The following TNFRSF1B variants were observed in gnomAD, a reference collection of about 807,000 sequenced individuals.
The protein encoded by TNFRSF1B is tumor necrosis factor receptor superfamily member 1B.
A neutral mutation model predicts 44.6 loss-of-function variants in TNFRSF1B; 19 were observed. The ratio of observed to expected loss-of-function variants is 0.43; its 90% CI spans 0.30 to 0.62. The LOEUF is 0.62. Ranked by LOEUF, TNFRSF1B falls within the 20% of genes least tolerant of loss-of-function variation. The pLI, the probability that TNFRSF1B is intolerant of heterozygous loss-of-function variation, is 0.16. For missense variants in TNFRSF1B, 541 were observed against 619.9 expected (o/e 0.87, Z 1.35); for synonymous variants, 252 against 261.1 (o/e 0.97, Z 0.34).
At chr1:12,202,911 G>A (rs1557640856) in intron 9 of TNFRSF1B, among the ~76,000 whole-genome samples, 1 of 152,240 alleles carries the variant, frequency 6.6e-6, no homozygotes, top group South Asian at 2.1e-4. Flanking sequence ...TGGCTCCAGG[G>A]CTCCACTCAC....
At position 12,174,490 on chromosome 1, in the gene TNFRSF1B, T is replaced by C. The variant is rs552287672; in HGVS notation, c.78+7321T>C. ...CTCGAACTCCTGACCTCAAGTGATC[T>C]GCCCGCCTTGGCCTCCCAAAGTGCT... On this transcript the variant is annotated intron_variant, in intron 1 of 9. Transcript: ENST00000376259. Among the ~76,000 whole-genome samples the C allele has an allele frequency of 2.0e-5, 3 of 152,244 alleles. No homozygotes were observed. The East Asian group carries it at 5.8e-4, about 29-fold the overall frequency.
At chr1:12,173,906 A>C (rs1638574909) in intron 1 of TNFRSF1B, among the ~76,000 whole-genome samples, 1 of 152,188 alleles carries the variant, frequency 6.6e-6, no homozygotes, top group Admixed American at 6.5e-5. Context: ...GGTTTGAGGT[A>C]CTTGGCTGTG....
chr1:12,178,846 C>T lies in TNFRSF1B; in HGVS notation c.79-9950C>T, dbSNP rs967870867. ...AGGAGGTTGCGCAGGTGGTGGCAGC[C>T]GCTGGAAGCTTTTAAGGAGAGTCAG... is the stretch of plus-strand genomic sequence containing the variant. On this transcript the variant is annotated intron_variant, in intron 1 of 9. Coordinates refer to ENST00000376259, the MANE Select transcript of TNFRSF1B (RefSeq NM_001066.3). This position sits in a 1 kb window ranked among gnomAD's most constrained non-coding sequence, Gnocchi z 4.3. Among the ~76,000 whole-genome samples, 2 of 151,984 alleles carry T rather than the reference C, an allele frequency of 1.3e-5. No homozygotes were observed. The highest frequency in any genetic ancestry group is 6.6e-5 in the Admixed American group (1 of 15,262).
chr1:12,167,056 G>T lies in TNFRSF1B; in HGVS notation c.-36G>T. On this transcript the variant is annotated 5_prime_UTR_variant, in exon 1 of 10. Coordinates refer to ENST00000376259, the MANE Select transcript of TNFRSF1B (RefSeq NM_001066.3). ...CGCTGGGCTGCGAGGGCGCGAGGGC[G>T]CGAGGGCAGGGGGCAACCGGACCCC... 7.9e-7 allele frequency: 1 copy of T among 1,265,342 alleles called. No individual in the cohort carries two copies. Among genetic ancestry groups the T allele is most frequent in the South Asian group, 2.5e-5 (1 of 40,162 alleles). 78.4% of individuals were successfully genotyped at this position (1,265,342 alleles called of 1,614,324 possible).
At position 12,177,813 on chromosome 1, in the gene TNFRSF1B, A is replaced by G. The variant is rs910646264; in HGVS notation, c.78+10644A>G. On this transcript the variant is annotated intron_variant, in intron 1 of 9. Transcript: ENST00000376259. This position sits in a 1 kb window ranked among gnomAD's most constrained non-coding sequence, Gnocchi z 4.3. The stretch of plus-strand genomic sequence containing the variant: ...TGTCTCCAAAAAAAAAAAAAAAAGA[A>G]GAGCTGACATTTAGCGGGTGCTTCT... Among the ~76,000 whole-genome samples the G allele has an allele frequency of 6.6e-6, 1 of 151,340 alleles. No individual in the cohort carries two copies. Among genetic ancestry groups the G allele is most frequent in the African/African-American group, 2.4e-5 (1 of 41,154 alleles).
At chr1:12,184,410 C>T (rs1638931194) in intron 1 of TNFRSF1B, among the ~76,000 whole-genome samples, 1 of 152,164 alleles carries the variant, frequency 6.6e-6, no homozygotes, top group Non-Finnish European at 1.5e-5. Flanking sequence ...AGCCGACCCC[C>T]TCTGCCAGCT....
At chr1:12,170,013 G>T (rs897662184) in intron 1 of TNFRSF1B, among the ~76,000 whole-genome samples, 19 of 152,316 alleles carry the variant, frequency 1.2e-4, no homozygotes, top group African/African-American at 4.3e-4. Context: ...TGGGGTACCT[G>T]CTGGCCCTGG....
intron 8 of TNFRSF1B, 24 bp downstream of exon 8, chr1:12,194,642 C>A (rs778309510): frequency 1.2e-6 from 2 of 1,613,934 alleles, no homozygotes; most frequent in Admixed American, 1.7e-5. Context: ...CTGCCCTCTC[C>A]CCCTCTTCCC....
chr1:12,174,132 T>G (rs558918752), intron 1 of TNFRSF1B, among the ~76,000 whole-genome samples: 1 of 66,238 alleles, frequency 1.5e-5, no homozygotes, highest in Non-Finnish European at 3.0e-5. Context: ...TTTCTTCTTC[T>G]TCTTCTTCTT....
Position 12,188,834 on chromosome 1 carries a change from A to G in TNFRSF1B, c.117A>G (p.Thr39=), listed in dbSNP as rs1639044590. 1 of 1,613,752 alleles carries G rather than the reference A, an allele frequency of 6.2e-7. No homozygotes were observed. The highest frequency in any genetic ancestry group is 1.7e-5 in the Admixed American group (1 of 59,972). The change falls in exon 2 of 10, where the codon ACA becomes ACG. Residue 39 remains threonine (T), a synonymous_variant. Transcript: ENST00000376259. The part of the protein sequence containing the change: ...FTPYAPEPGS[T]CRLREYYDQT... ...CCTACGCCCCGGAGCCCGGGAGCACATGCCGGCTCAGAGAATACTATGACC... is the reference window on the plus strand; with the variant it reads ...CCTACGCCCCGGAGCCCGGGAGCACGTGCCGGCTCAGAGAATACTATGACC...
Position 12,177,892 on chromosome 1 carries a change from G to A in TNFRSF1B, c.78+10723G>A, listed in dbSNP as rs1463065881. On this transcript the variant is annotated intron_variant, in intron 1 of 9. Coordinates refer to ENST00000376259, the MANE Select transcript of TNFRSF1B (RefSeq NM_001066.3). This position sits in a 1 kb window ranked among gnomAD's most constrained non-coding sequence, Gnocchi z 4.3. ...TTAACTACACAGAGTGCCCTTCCTT[G>A]TCACAGCTACCTGGGGGCAGGGGAA... is the stretch of plus-strand genomic sequence containing the variant. Among the ~76,000 whole-genome samples the A allele has an allele frequency of 5.9e-5, 9 of 152,108 alleles. No individual in the cohort carries two copies. Among genetic ancestry groups the A allele is most frequent in the Non-Finnish European group, 8.8e-5 (6 of 68,032 alleles).
intron 2 of TNFRSF1B, among the ~76,000 whole-genome samples, chr1:12,190,317 G>A (rs2101104436): frequency 1.3e-5 from 2 of 152,104 alleles, no homozygotes; most frequent in Middle Eastern, 6.8e-3. Context: ...AAAATAGCTG[G>A]GCATAATGGC....
chr1:12,197,526 A>G (rs1639292190), intron 8 of TNFRSF1B, among the ~76,000 whole-genome samples: 2 of 152,096 alleles, frequency 1.3e-5, no homozygotes, highest in Non-Finnish European at 1.5e-5. Context: ...GTCCCCACGC[A>G]TCCCTGTGGG....
intron 1 of TNFRSF1B, among the ~76,000 whole-genome samples, chr1:12,173,617 G>A (rs1638568169): frequency 6.6e-6 from 1 of 152,220 alleles, no homozygotes; most frequent in Non-Finnish European, 1.5e-5. Context: ...AGGCGCTGCA[G>A]AGCCTGCTGT....
chr1:12,207,302 C>G lies in TNFRSF1B; in HGVS notation c.*282C>G, dbSNP rs990826717. On this transcript the variant is annotated 3_prime_UTR_variant, in exon 10 of 10. Transcript: ENST00000376259. The stretch of plus-strand genomic sequence containing the variant: ...CATGCTGGGGCAAGTCCCTGACTCT[C>G]TGTGACCTGCCCCGCCCAGCTGCAC... 5.3e-6 allele frequency: 2 copies of G among 379,616 alleles called. No individual in the cohort carries two copies. Among genetic ancestry groups the G allele is most frequent in the African/African-American group, 4.1e-5 (2 of 48,274 alleles). The allele number at this position is 379,616 out of a possible 1,614,324, so 23.5% of individuals were successfully genotyped here.
intron 8 of TNFRSF1B, among the ~76,000 whole-genome samples, chr1:12,197,256 T>G (rs1011887959): frequency 1.3e-5 from 2 of 152,188 alleles, no homozygotes; most frequent in African/African-American, 4.8e-5. Flanking sequence ...CCCCTTTCCT[T>G]TCACTGTTGC....
At position 12,188,873 on chromosome 1, in the gene TNFRSF1B, G is replaced by A. The variant is rs1412021624; in HGVS notation, c.156G>A (p.Met52Ile). The change falls in exon 2 of 10, where the codon ATG (methionine) becomes ATA (isoleucine). Residue 52 changes from methionine (M) to isoleucine (I), a missense_variant. Coordinates refer to ENST00000376259, the MANE Select transcript of TNFRSF1B (RefSeq NM_001066.3). Reference protein sequence around the residue: ...LREYYDQTAQMCCSKCSPGQH... With the variant: ...LREYYDQTAQICCSKCSPGQH... ...AATACTATGACCAGACAGCTCAGAT[G>A]TGCTGCAGCAAATGCTCGCCGGGTG... 4 of 1,613,762 alleles carry A rather than the reference G, an allele frequency of 2.5e-6. No individual in the cohort carries two copies. Among genetic ancestry groups the A allele is most frequent in the South Asian group, 1.1e-5 (1 of 91,046 alleles).
intron 2 of TNFRSF1B, among the ~76,000 whole-genome samples, chr1:12,190,025 G>A (rs17883858): frequency 7.0e-4 from 107 of 152,290 alleles, no homozygotes; most frequent in Non-Finnish European, 1.1e-3. Context: ...AGGAAGGAGT[G>A]AGCAGGGACC....
rs1319472481 is a variant in TNFRSF1B, at chr1:12,167,086, G to A, written c.-6G>A. The A allele has an allele frequency of 2.3e-6, 3 of 1,322,300 alleles. No individual in the cohort carries two copies. Among genetic ancestry groups the A allele is most frequent in the Non-Finnish European group, 2.9e-6 (3 of 1,034,158 alleles). The allele number at this position is 1,322,300 out of a possible 1,614,324, so 81.9% of individuals were successfully genotyped here. On this transcript the variant is annotated 5_prime_UTR_variant, in exon 1 of 10. Transcript: ENST00000376259. ...GGCAGGGGGCAACCGGACCCCGCCC[G>A]CACCCATGGCGCCCGTCGCCGTCTG...
Sources: gnomAD v4.1 joint callset for allele counts (sites outside exome capture counted in the v4.1 genomes callset) on GRCh38, gnomAD v4.1.1 for gene constraint, Gnocchi (gnomAD v3.1) non-coding constraint, MANE v1.5 for transcripts, NCBI Gene and HGNC (gene_info 2026-07-23, HGNC 2026-07-21) for gene names.